Variants in FOXE1 observed in about 807,000 individuals in gnomAD.
The protein encoded by FOXE1 is forkhead box E1.
Under a neutral mutation model 2.1 loss-of-function variants are expected in FOXE1, and 4 were observed. That is an observed-to-expected ratio of 1.91 (90% CI 0.94 to 4.37). The LOEUF (loss-of-function observed/expected upper bound fraction) is 4.37, where lower values mean the gene tolerates loss of function less well. Ranked by LOEUF, FOXE1 falls within the 30% of genes most tolerant of loss-of-function variation. The pLI, the probability that FOXE1 is intolerant of heterozygous loss-of-function variation, is 0.01. For synonymous variants in FOXE1, 277 were observed against 272.4 expected, an observed-to-expected ratio of 1.02 and a Z score of -0.17; for missense variants, 574 against 583.3, an observed-to-expected ratio of 0.98 and a Z score of 0.16.
In FOXE1 at chr9:97,854,418, A is replaced by AGCT; in HGVS notation, c.506_507insTGC (p.Ala179dup). 1.6e-6 allele frequency: 2 copies of AGCT among 1,219,834 alleles called. No individual in the cohort carries two copies. Among genetic ancestry groups the AGCT allele is most frequent in the Non-Finnish European group, 2.0e-6 (2 of 979,452 alleles). The allele number at this position is 1,219,834 out of a possible 1,614,324, so 75.6% of individuals were successfully genotyped here. On this transcript the variant is annotated inframe_insertion, in exon 1 of 1. Coordinates refer to ENST00000375123, the MANE Select transcript of FOXE1 (RefSeq NM_004473.4). ...ACATGCACGACGCGGCGGCTGCCGC[A>AGCT]GCCGCCGCCGCCGCCGCCGCCGCCG...
chr9:97,855,102 G>A lies in FOXE1; in HGVS notation c.*66G>A. 3 of 1,572,386 alleles carry A rather than the reference G, an allele frequency of 1.9e-6. No individual in the cohort carries two copies. The highest frequency in any genetic ancestry group is 1.8e-5 in the Admixed American group (1 of 55,966). The stretch of plus-strand genomic sequence containing the variant: ...CACACGTTCCCCGCAATCTGAGAAC[G>A]AACAGGAATGGAGAGAGGACTCAAC... On this transcript the variant is annotated 3_prime_UTR_variant, in exon 1 of 1. Coordinates refer to ENST00000375123, the MANE Select transcript of FOXE1 (RefSeq NM_004473.4).
At position 97,853,895 on chromosome 9, in the gene FOXE1, G is replaced by T; in HGVS notation, c.-20G>T. 1 of 1,271,210 alleles carries T rather than the reference G, an allele frequency of 7.9e-7. No individual in the cohort carries two copies. The highest frequency in any genetic ancestry group is 9.9e-7 in the Non-Finnish European group (1 of 1,014,500). 78.7% of individuals were successfully genotyped at this position (1,271,210 alleles called of 1,614,324 possible). ...ACAGCCGCGGGGATCCAGAGCCCGG[G>T]GGTGCGGGACGCCCGCGCCATGACT... is the stretch of plus-strand genomic sequence containing the variant. On this transcript the variant is annotated 5_prime_UTR_variant, in exon 1 of 1. Transcript: ENST00000375123.
chr9:97,855,437 T>A lies in FOXE1; in HGVS notation c.*401T>A. The stretch of plus-strand genomic sequence containing the variant: ...AACTCGGGCCTTTTTACGCGGTTCG[T>A]CCTCTAGTGCCTTTAACTGCGTTAC... On this transcript the variant is annotated 3_prime_UTR_variant, in exon 1 of 1. Transcript: ENST00000375123. 1 of 306,970 alleles carries A rather than the reference T, an allele frequency of 3.3e-6. No homozygotes were observed. The highest frequency in any genetic ancestry group is 6.6e-6 in the Non-Finnish European group (1 of 152,232). 19.0% of individuals were successfully genotyped at this position (306,970 alleles called of 1,614,324 possible).
chr9:97,855,286 C>G lies in FOXE1; in HGVS notation c.*250C>G, dbSNP rs1442088776. 3.3e-6 allele frequency: 2 copies of G among 611,472 alleles called. No homozygotes were observed. The highest frequency in any genetic ancestry group is 5.7e-5 in the East Asian group (2 of 35,320). 37.9% of individuals were successfully genotyped at this position (611,472 alleles called of 1,614,324 possible). On this transcript the variant is annotated 3_prime_UTR_variant, in exon 1 of 1. Transcript: ENST00000375123. ...CCCTCGATGGAGCGAAGCCCTCAAA[C>G]GGGATGCTTTCTGGTATTCTATCGG...
chr9:97,853,891 C>T lies in FOXE1; in HGVS notation c.-24C>T, dbSNP rs1830623679. On this transcript the variant is annotated 5_prime_UTR_variant, in exon 1 of 1. Transcript: ENST00000375123. ...CCCGACAGCCGCGGGGATCCAGAGC[C>T]CGGGGGTGCGGGACGCCCGCGCCAT... 3.9e-6 allele frequency: 5 copies of T among 1,270,266 alleles called. No individual in the cohort carries two copies. The highest frequency in any genetic ancestry group is 4.9e-6 in the Non-Finnish European group (5 of 1,014,092). The allele number at this position is 1,270,266 out of a possible 1,614,324, so 78.7% of individuals were successfully genotyped here.
chr9:97,855,130 G>C lies in FOXE1; in HGVS notation c.*94G>C. ...CAGGAATGGAGAGAGGACTCAACTGGGACCCACGTGGAAAAGACCGAGCAG... is the reference window on the plus strand; with the variant it reads ...CAGGAATGGAGAGAGGACTCAACTGCGACCCACGTGGAAAAGACCGAGCAG... On this transcript the variant is annotated 3_prime_UTR_variant, in exon 1 of 1. Transcript: ENST00000375123. 1 of 1,480,474 alleles carries C rather than the reference G, an allele frequency of 6.8e-7. No homozygotes were observed. The highest frequency in any genetic ancestry group is 1.2e-5 in the South Asian group (1 of 83,630). 91.7% of individuals were successfully genotyped at this position (1,480,474 alleles called of 1,614,324 possible).
In FOXE1 at chr9:97,854,409, G is replaced by A; in HGVS notation, c.495G>A (p.Ala165=). ...ACCCGGCTTACATGCACGACGCGGC[G>A]GCTGCCGCAGCCGCCGCCGCCGCCG... ...STYPAYMHDA[A]AAAAAAAAAA... Residue 165 remains alanine (A), a synonymous_variant, in exon 1 of 1, where the codon GCG becomes GCA. Coordinates refer to ENST00000375123, the MANE Select transcript of FOXE1 (RefSeq NM_004473.4). The A allele has an allele frequency of 7.7e-7, 1 of 1,291,156 alleles. No homozygotes were observed. The highest frequency in any genetic ancestry group is 9.7e-7 in the Non-Finnish European group (1 of 1,033,058). The allele number at this position is 1,291,156 out of a possible 1,614,324, so 80.0% of individuals were successfully genotyped here.
Position 97,853,619 on chromosome 9 carries a change from T to C in FOXE1, c.-296T>C. ...GGGACCCTTCAGCCGGAGACCAGAG[T>C]CCAGTCCCGGTCACGAGGCCACCGC... On this transcript the variant is annotated 5_prime_UTR_variant, in exon 1 of 1. Coordinates refer to ENST00000375123, the MANE Select transcript of FOXE1 (RefSeq NM_004473.4). The C allele has an allele frequency of 3.0e-6, 1 of 336,546 alleles. No homozygotes were observed. The highest frequency in any genetic ancestry group is 5.3e-6 in the Non-Finnish European group (1 of 187,662). 20.8% of individuals were successfully genotyped at this position (336,546 alleles called of 1,614,324 possible).
In FOXE1 at chr9:97,853,878, G is replaced by C. The variant is rs1830623514; in HGVS notation, c.-37G>C. On this transcript the variant is annotated 5_prime_UTR_variant, in exon 1 of 1. Coordinates refer to ENST00000375123, the MANE Select transcript of FOXE1 (RefSeq NM_004473.4). ...CCCGCCCCCGCCCCCCGACAGCCGCGGGGATCCAGAGCCCGGGGGTGCGGG... is the reference window on the plus strand; with the variant it reads ...CCCGCCCCCGCCCCCCGACAGCCGCCGGGATCCAGAGCCCGGGGGTGCGGG... 8.0e-7 allele frequency: 1 copy of C among 1,254,722 alleles called. No homozygotes were observed. Among genetic ancestry groups the C allele is most frequent in the Non-Finnish European group, 1.0e-6 (1 of 1,004,350 alleles). The allele number at this position is 1,254,722 out of a possible 1,614,324, so 77.7% of individuals were successfully genotyped here.
chr9:97,854,034 G>A lies in FOXE1; in HGVS notation c.120G>A (p.Ala40=), dbSNP rs760222007. 2.2e-5 allele frequency: 32 copies of A among 1,442,732 alleles called. No homozygotes were observed. In the Middle Eastern group the frequency reaches 9.9e-4, roughly 45 times the overall value. 89.4% of individuals were successfully genotyped at this position (1,442,732 alleles called of 1,614,324 possible). Residue 40 remains alanine, a synonymous_variant, in exon 1 of 1, where the codon GCG becomes GCA. Transcript: ENST00000375123. ...GVPGEATGRG[A]GGRRRKRPLQ... ...CAGGGGAGGCCACGGGCCGCGGGGC[G>A]GGCGGGCGGCGCCGCAAGCGCCCCC...
At position 97,854,639 on chromosome 9, in the gene FOXE1, G is replaced by A; in HGVS notation, c.725G>A (p.Gly242Glu). 7.2e-7 allele frequency: 1 copy of A among 1,393,926 alleles called. No homozygotes were observed. Among genetic ancestry groups the A allele is most frequent in the Non-Finnish European group, 9.2e-7 (1 of 1,082,766 alleles). The allele number at this position is 1,393,926 out of a possible 1,614,324, so 86.3% of individuals were successfully genotyped here. ...CCAGAGCTGGGGCCCGCACCGTCGG[G>A]GCCCGGCGGCTCTTGCGCCTTTGCC... ...LSPELGPAPS[G>E]PGGSCAFASA... Residue 242 changes from glycine to glutamate, a missense_variant, in exon 1 of 1, where the codon GGG (glycine) becomes GAG (glutamate). Transcript: ENST00000375123.
rs962252860 is a variant in FOXE1, at chr9:97,855,086, C to T, written c.*50C>T. ...AGACACATCGGCTGTTCACACGTTCCCCGCAATCTGAGAACGAACAGGAAT... is the reference window on the plus strand; with the variant it reads ...AGACACATCGGCTGTTCACACGTTCTCCGCAATCTGAGAACGAACAGGAAT... On this transcript the variant is annotated 3_prime_UTR_variant, in exon 1 of 1. Transcript: ENST00000375123. 2.9e-5 allele frequency: 46 copies of T among 1,602,128 alleles called. No homozygotes were observed. Among genetic ancestry groups the T allele is most frequent in the Non-Finnish European group, 3.7e-5 (44 of 1,173,566 alleles).
In FOXE1 at chr9:97,853,701, C is replaced by T; in HGVS notation, c.-214C>T. 2 of 382,568 alleles carry T rather than the reference C, an allele frequency of 5.2e-6. No homozygotes were observed. The highest frequency in any genetic ancestry group is 4.1e-5 in the East Asian group (1 of 24,618). 23.7% of individuals were successfully genotyped at this position (382,568 alleles called of 1,614,324 possible). A position where few individuals can be genotyped will look rare whatever the true frequency, so the allele number is the denominator to read the frequency against. Reference sequence around the variant, plus strand: ...TGAGCCGTCGGCTAGCGGGTCACTCCCGAGCCTCTGTCTGCACCGCGCCAG... The same window carrying T: ...TGAGCCGTCGGCTAGCGGGTCACTCTCGAGCCTCTGTCTGCACCGCGCCAG... On this transcript the variant is annotated 5_prime_UTR_variant, in exon 1 of 1. Transcript: ENST00000375123.
At position 97,856,189 on chromosome 9, in the gene FOXE1, AAAAT is replaced by A. The variant is rs1199152061; in HGVS notation, c.*1154_*1157del. 1 of 167,016 alleles carries A rather than the reference AAAAT, an allele frequency of 6.0e-6. No homozygotes were observed. The highest frequency in any genetic ancestry group is 1.5e-5 in the Non-Finnish European group (1 of 68,126). 10.3% of individuals were successfully genotyped at this position (167,016 alleles called of 1,614,324 possible). A position where few individuals can be genotyped will look rare whatever the true frequency, so the allele number is the denominator to read the frequency against. ...CTCCCCCATGCAAAAAGGAAAGAGA[AAAAT>A]TAAGTTAGGGCAGTCAGTAAAGTGA... On this transcript the variant is annotated 3_prime_UTR_variant, in exon 1 of 1. Coordinates refer to ENST00000375123, the MANE Select transcript of FOXE1 (RefSeq NM_004473.4).
At position 97,853,614 on chromosome 9, in the gene FOXE1, C is replaced by G. The variant is rs1679280040; in HGVS notation, c.-301C>G. 1 of 333,398 alleles carries G rather than the reference C, an allele frequency of 3.0e-6. No homozygotes were observed. Among genetic ancestry groups the G allele is most frequent in the Non-Finnish European group, 5.4e-6 (1 of 185,200 alleles). The allele number at this position is 333,398 out of a possible 1,614,324, so 20.7% of individuals were successfully genotyped here. A position where few individuals can be genotyped will look rare whatever the true frequency, so the allele number is the denominator to read the frequency against. The stretch of plus-strand genomic sequence containing the variant: ...CGCAAGGGACCCTTCAGCCGGAGAC[C>G]AGAGTCCAGTCCCGGTCACGAGGCC... On this transcript the variant is annotated 5_prime_UTR_variant, in exon 1 of 1. Coordinates refer to ENST00000375123, the MANE Select transcript of FOXE1 (RefSeq NM_004473.4).
rs1354786120 is a variant in FOXE1 at position 97,854,863 on chromosome 9, G to A, written c.949G>A (p.Gly317Ser). The stretch of plus-strand genomic sequence containing the variant: ...GCCCCCAGCGGGCGGCAGCAGTGGC[G>A]GCGTGGAGACCACGGTGGACTTCTA... ...ASPPAGGSSG[G>S]VETTVDFYGR... is the part of the protein sequence containing the mutation. Residue 317 changes from glycine to serine, a missense_variant, in exon 1 of 1, where the codon GGC becomes AGC. By Grantham distance (56) the Gly-to-Ser change is moderately conservative. This residue lies in a region of FOXE1 where 316 missense variants were observed against 288.4 expected (regional missense o/e 1.10). Transcript: ENST00000375123. The A allele has an allele frequency of 2.6e-6, 4 of 1,563,488 alleles. No homozygotes were observed. The highest frequency in any genetic ancestry group is 1.2e-5 in the South Asian group (1 of 86,744).
In FOXE1 at chr9:97,854,655, C is replaced by A; in HGVS notation, c.741C>A (p.Cys247Ter). Residue 247 changes from cysteine (C) to a stop codon, truncating the protein, a stop_gained, in exon 1 of 1, where the codon TGC becomes TGA. Transcript: ENST00000375123. LOFTEE classifies it low-confidence loss of function (END_TRUNC). ...CACCGTCGGGGCCCGGCGGCTCTTG[C>A]GCCTTTGCCTCCGCCGGCGCCCCCG... ...GPAPSGPGGS[C>*]AFASAGAPAT... 7.1e-7 allele frequency: 1 copy of A among 1,401,018 alleles called. No homozygotes were observed. Among genetic ancestry groups the A allele is most frequent in the Non-Finnish European group, 9.2e-7 (1 of 1,086,412 alleles). The allele number at this position is 1,401,018 out of a possible 1,614,324, so 86.8% of individuals were successfully genotyped here.
At position 97,853,703 on chromosome 9, in the gene FOXE1, G is replaced by A. The variant is rs891226707; in HGVS notation, c.-212G>A. The A allele has an allele frequency of 2.6e-6, 1 of 382,766 alleles. No homozygotes were observed. The highest frequency in any genetic ancestry group is 4.5e-6 in the Non-Finnish European group (1 of 221,256). The allele number at this position is 382,766 out of a possible 1,614,324, so 23.7% of individuals were successfully genotyped here. A position where few individuals can be genotyped will look rare whatever the true frequency, so the allele number is the denominator to read the frequency against. ...AGCCGTCGGCTAGCGGGTCACTCCCGAGCCTCTGTCTGCACCGCGCCAGCC... is the reference window on the plus strand; with the variant it reads ...AGCCGTCGGCTAGCGGGTCACTCCCAAGCCTCTGTCTGCACCGCGCCAGCC... On this transcript the variant is annotated 5_prime_UTR_variant, in exon 1 of 1. Coordinates refer to ENST00000375123, the MANE Select transcript of FOXE1 (RefSeq NM_004473.4).
In FOXE1 at chr9:97,854,493, G is replaced by C; in HGVS notation, c.579G>C (p.Pro193=). ...GAVPAARPPY[P]GAVYAGYAPP... ...TGCCCGCCGCGCGCCCCCCCTACCC[G>C]GGCGCCGTCTATGCAGGCTACGCGC... The change falls in exon 1 of 1, where the codon CCG becomes CCC. Residue 193 remains proline, a synonymous_variant. Coordinates refer to ENST00000375123, the MANE Select transcript of FOXE1 (RefSeq NM_004473.4). 8.1e-7 allele frequency: 1 copy of C among 1,228,778 alleles called. No individual in the cohort carries two copies. Among genetic ancestry groups the C allele is most frequent in the Non-Finnish European group, 1.0e-6 (1 of 988,766 alleles). 76.1% of individuals were successfully genotyped at this position (1,228,778 alleles called of 1,614,324 possible).
Sources: allele counts gnomAD v4.1 joint callset, GRCh38; gene constraint gnomAD v4.1.1; regional missense constraint gnomAD v4.1.1; transcripts MANE v1.5; gene names NCBI Gene and HGNC (gene_info 2026-07-23, HGNC 2026-07-21).